Variants in DENND1A observed in about 807,000 individuals in gnomAD.
The protein encoded by DENND1A is DENN domain-containing protein 1A.
A neutral mutation model predicts 113.7 loss-of-function variants in DENND1A; 51 were observed. The observed-to-expected ratio is 0.45, with a 90% CI of 0.36 to 0.57. The LOEUF (loss-of-function observed/expected upper bound fraction) is 0.57, where lower values mean the gene tolerates loss of function less well. DENND1A is among the 20% of genes least tolerant of loss of function. The probability of loss-of-function intolerance (pLI) is 0.00; values close to 1 mark genes in which losing one functional copy is unlikely to be tolerated. For missense variants in DENND1A, 1,258 were observed against 1,395.9 expected (o/e 0.90, Z 1.57); for synonymous variants, 565 against 570.8 (o/e 0.99, Z 0.14).
chr9:123,849,885 G>A (rs1285795239), intron 2 of DENND1A, among the ~76,000 whole-genome samples: 1 of 152,200 alleles, frequency 6.6e-6, no homozygotes, highest in Non-Finnish European at 1.5e-5. Flanking sequence ...ATGCAGATGT[G>A]ATAGAAGCTA....
intron 2 of DENND1A, among the ~76,000 whole-genome samples, chr9:123,803,943 T>C (rs1835114896): frequency 6.6e-6 from 1 of 152,202 alleles, no homozygotes; most frequent in Admixed American, 6.5e-5. Flanking sequence ...CTTTTACTGC[T>C]AACATCAATT....
At chr9:123,491,596 T>C (rs758255439) in intron 13 of DENND1A, among the ~76,000 whole-genome samples, 5 of 152,052 alleles carry the variant, frequency 3.3e-5, no homozygotes, top group Non-Finnish European at 7.4e-5. Context: ...AGAAGAAGGG[T>C]CTCTGAGCTC....
At chr9:123,557,543 G>C (rs762454389) in intron 13 of DENND1A, 27 bp downstream of exon 13, 1 of 1,612,242 alleles carries the variant, frequency 6.2e-7, no homozygotes, top group African/African-American at 1.3e-5. Context: ...CCAAACACAG[G>C]CTCTGTGACA....
At chr9:123,557,505 G>A in intron 13 of DENND1A, 65 bp downstream of exon 13, 1 of 1,573,244 alleles carries the variant, frequency 6.4e-7, no homozygotes, top group Non-Finnish European at 8.6e-7. Context: ...ATTTCTTGTG[G>A]CCCCTGAGGT....
At chr9:123,643,394 A>G (rs533156276) in intron 9 of DENND1A, among the ~76,000 whole-genome samples, 3 of 152,222 alleles carry the variant, frequency 2.0e-5, no homozygotes, top group Non-Finnish European at 4.4e-5. Flanking sequence ...GCTGGGTAAA[A>G]CAAATAGATG....
chr9:123,762,943 A>C (rs1455777218), intron 4 of DENND1A, among the ~76,000 whole-genome samples: 1 of 152,234 alleles, frequency 6.6e-6, no homozygotes, highest in African/African-American at 2.4e-5. Context: ...ACTAGTTATG[A>C]TCAAGGAACC....
intron 4 of DENND1A, among the ~76,000 whole-genome samples, chr9:123,762,435 T>C (rs1318061015): frequency 1.3e-5 from 2 of 152,242 alleles, no homozygotes; most frequent in Non-Finnish European, 2.9e-5. Flanking sequence ...CAGTAGCATT[T>C]TGCTTAATCT....
chr9:123,756,997 G>C (rs2070618118), intron 5 of DENND1A, among the ~76,000 whole-genome samples: 1 of 152,166 alleles, frequency 6.6e-6, no homozygotes. Context: ...ATGGAGAGGG[G>C]AGCATGGGGG....
chr9:123,786,907 C>G (rs1175156684), intron 3 of DENND1A, among the ~76,000 whole-genome samples: 1 of 151,910 alleles, frequency 6.6e-6, no homozygotes, highest in Non-Finnish European at 1.5e-5. Context: ...CATGACAACA[C>G]CCACTTTGGA....
chr9:123,723,695 C>A (rs569830277), intron 5 of DENND1A, among the ~76,000 whole-genome samples: 1 of 152,298 alleles, frequency 6.6e-6, no homozygotes, highest in Admixed American at 6.5e-5. Flanking sequence ...TTTGCTCCCC[C>A]TTGCCTTCCG....
Position 123,387,020 on chromosome 9 carries a change from T to A in DENND1A, c.1760+710A>T, listed in dbSNP as rs1246566676. 2.6e-5 allele frequency among the ~76,000 whole-genome samples: 4 copies of A among 152,304 alleles called. No homozygotes were observed. In the East Asian group the frequency reaches 7.7e-4, roughly 29 times the overall value. On this transcript the variant is annotated intron_variant, in intron 22 of 23. Coordinates refer to ENST00000394215, the MANE Select transcript of DENND1A (RefSeq NM_001352964.2). ...GCATCCCGCAAAGGGCAGTTTCCAT[T>A]CCCTTAAAGGCTCCCATTAAAAACA...
chr9:123,382,647 G>T, intron 23 of DENND1A, 22 bp from the exon 24 acceptor site: 1 of 1,612,668 alleles, frequency 6.2e-7, no homozygotes, highest in South Asian at 1.1e-5. Context: ...GAAGGAGGGC[G>T]GCAGTGACCA....
At chr9:123,449,233 A>C (rs1249856276) in intron 18 of DENND1A, among the ~76,000 whole-genome samples, 1 of 152,174 alleles carries the variant, frequency 6.6e-6, no homozygotes, top group Non-Finnish European at 1.5e-5. Flanking sequence ...CCTTAAGAGG[A>C]GCTTAAAGAA....
chr9:123,699,140 C>T (rs1330757996), intron 5 of DENND1A, among the ~76,000 whole-genome samples: 5 of 151,886 alleles, frequency 3.3e-5, no homozygotes, highest in Admixed American at 3.3e-4. Flanking sequence ...ATTCATAAAA[C>T]CTGCTTAGCA....
intron 21 of DENND1A, among the ~76,000 whole-genome samples, chr9:123,389,278 G>A (rs545479577): frequency 2.6e-5 from 4 of 152,322 alleles, no homozygotes; most frequent in Non-Finnish European, 4.4e-5. Context: ...TTTTGTCCTC[G>A]AACTGCAGTG....
chr9:123,579,911 AGCTGGAAACCACT>A (rs2058807598), intron 12 of DENND1A, among the ~76,000 whole-genome samples: 1 of 152,180 alleles, frequency 6.6e-6, no homozygotes, highest in African/African-American at 2.4e-5. Context: ...TAGAGGCCCA[AGCTGGAAACCACT>A]GCTGTAGAAC....
intron 21 of DENND1A, among the ~76,000 whole-genome samples, chr9:123,389,649 C>T (rs2042739720): frequency 6.6e-6 from 1 of 152,248 alleles, no homozygotes; most frequent in Non-Finnish European, 1.5e-5. Context: ...ATCTGCCATT[C>T]TGAATTGTGA....
At chr9:123,401,066 C>G (rs1034172948) in intron 21 of DENND1A, 1 of 152,298 alleles carries the variant, frequency 6.6e-6, no homozygotes, top group Non-Finnish European at 1.5e-5. Context: ...GTGCCCAACA[C>G]GGAACCACCA....
At chr9:123,683,713 C>A (rs1039466256) in intron 5 of DENND1A, among the ~76,000 whole-genome samples, 2 of 152,202 alleles carry the variant, frequency 1.3e-5, no homozygotes, top group African/African-American at 4.8e-5. Flanking sequence ...GTTTGCCTGT[C>A]TTCTCCATTG....
Sources: gnomAD v4.1 joint callset for allele counts (sites outside exome capture counted in the v4.1 genomes callset) on GRCh38, gnomAD v4.1.1 for gene constraint, MANE v1.5 for transcripts, NCBI Gene and HGNC (gene_info 2026-07-23, HGNC 2026-07-21) for gene names.